The following ARAP1 variants were observed in gnomAD, a reference collection of about 807,000 sequenced individuals.
The protein encoded by ARAP1 is ArfGAP with RhoGAP domain, ankyrin repeat and PH domain 1.
In ARAP1, 76 loss-of-function variants were observed where a neutral mutation model predicts 172.2. The observed-to-expected ratio is 0.44, with a 90% confidence interval of 0.37 to 0.53. The LOEUF (loss-of-function observed/expected upper bound fraction) is 0.53. ARAP1 is among the 20% of genes least tolerant of loss of function. The probability of loss-of-function intolerance (pLI) is 0.00; values close to 1 mark genes in which losing one functional copy is unlikely to be tolerated. For missense variants in ARAP1, 1,686 were observed against 1,977.5 expected (o/e 0.85, Z 2.80); for synonymous variants, 804 against 803.3 (o/e 1.00, Z -0.01).
chr11:72,710,238 C>G lies in ARAP1; in HGVS notation c.1416+147G>C. On this transcript the variant is annotated intron_variant, in intron 10 of 34. Coordinates refer to ENST00000393609, the MANE Select transcript of ARAP1 (RefSeq NM_001040118.3). This position sits in a 1 kb window ranked among gnomAD's most constrained non-coding sequence, Gnocchi z 4.3. Reference sequence around the variant, plus strand: ...CAGAGCCTGGGGGAAGTGGTCAGAACTTGGGGGAGCGAGGACATATCCAGG... The same window carrying G: ...CAGAGCCTGGGGGAAGTGGTCAGAAGTTGGGGGAGCGAGGACATATCCAGG... 1 of 1,050,830 alleles carries G rather than the reference C, an allele frequency of 9.5e-7. No individual in the cohort carries two copies. The highest frequency in any genetic ancestry group is 1.4e-6 in the Non-Finnish European group (1 of 702,916). 65.1% of individuals were successfully genotyped at this position (1,050,830 alleles called of 1,614,324 possible).
At chr11:72,717,260 G>T (rs1857316947) in intron 3 of ARAP1, among the ~76,000 whole-genome samples, 1 of 152,188 alleles carries the variant, frequency 6.6e-6, no homozygotes, top group Admixed American at 6.5e-5. Flanking sequence ...CCAAGAGGAA[G>T]GCGCCTTGGA....
intron 14 of ARAP1, chr11:72,703,851 C>T: frequency 4.9e-6 from 2 of 405,258 alleles, no homozygotes; most frequent in South Asian, 6.0e-5. Context: ...ATCAAGTTCA[C>T]TCTTTTTGGC....
At chr11:72,701,596 T>G in intron 16 of ARAP1, 53 bp downstream of exon 16, 1 of 1,577,404 alleles carries the variant, frequency 6.3e-7, no homozygotes, top group Admixed American at 1.7e-5. Flanking sequence ...TCCCTAGCCC[T>G]GCAGCCGTGA....
At position 72,693,350 on chromosome 11, in the gene ARAP1, C is replaced by A. The variant is rs774574451; in HGVS notation, c.3929G>T (p.Cys1310Phe). The change falls in exon 29 of 35, where the codon TGC becomes TTC. Residue 1310 changes from cysteine to phenylalanine, a missense_variant. Transcript: ENST00000393609. The surrounding 1 kb of genome is among the most constrained non-coding windows in gnomAD (Gnocchi z 4.6). The part of the protein sequence containing the change: ...HDRYFILNSS[C>F]LRLYKEVRSQ... ...CCGGACCTCCTTGTAGAGCCGCAAG[C>A]AGCTGCTGTTGAGGATGAAGTAGCG... 7 of 1,613,864 alleles carry A rather than the reference C, an allele frequency of 4.3e-6. No individual in the cohort carries two copies. The South Asian group carries it at 6.6e-5, about 15-fold the overall frequency.
chr11:72,721,289 A>G (rs981168078), intron 3 of ARAP1, among the ~76,000 whole-genome samples: 4 of 152,180 alleles, frequency 2.6e-5, no homozygotes, highest in Non-Finnish European at 4.4e-5. Context: ...CCCACACTCC[A>G]TAAGCACCCA....
intron 15 of ARAP1, 66 bp downstream of exon 15, chr11:72,702,839 G>T (rs955382673): frequency 8.5e-6 from 13 of 1,520,828 alleles, no homozygotes; most frequent in African/African-American, 1.4e-5. Flanking sequence ...CCTGAGAGCA[G>T]CAGGTAAATC....
chr11:72,726,792 CG>C lies in ARAP1; in HGVS notation c.336del (p.Ala113LeufsTer41). 6.4e-7 allele frequency: 1 copy of C among 1,551,100 alleles called. No individual in the cohort carries two copies. Among genetic ancestry groups the C allele is most frequent in the Non-Finnish European group, 8.7e-7 (1 of 1,147,658 alleles). On this transcript the variant is annotated frameshift_variant, in exon 3 of 35. Coordinates refer to ENST00000393609, the MANE Select transcript of ARAP1 (RefSeq NM_001040118.3). LOFTEE classifies it high-confidence loss of function. This position sits in a 1 kb window ranked among gnomAD's most constrained non-coding sequence, Gnocchi z 6.5. The stretch of plus-strand genomic sequence containing the variant: ...CTCCGGGGCGGGATGGGTGGGGCAG[CG>C]GGGAGCCCCTCATCCTCTGTAGTGG... ...LPTTTEDEGL[P>X]AAPPIPPRRS...
At position 72,697,620 on chromosome 11, in the gene ARAP1, G is replaced by A. The variant is rs781096987; in HGVS notation, c.2767C>T (p.Leu923=). Reference sequence around the variant, plus strand: ...CACCTCCTTCGCTCCACCAGCACCAGCACCTGGTTCTCACTGTCCCCCTGG... The same window carrying A: ...CACCTCCTTCGCTCCACCAGCACCAACACCTGGTTCTCACTGTCCCCCTGG... ...SIQGDSENQV[L]VLVERRRTLY... The change falls in exon 20 of 35, where the codon CTG becomes TTG. Residue 923 remains leucine (L), a synonymous_variant. Transcript: ENST00000393609. The A allele has an allele frequency of 3.7e-5, 60 of 1,614,018 alleles. No homozygotes were observed. Among genetic ancestry groups the A allele is most frequent in the Admixed American group, 1.2e-4 (7 of 59,998 alleles).
chr11:72,705,754 T>C (rs1258119928), intron 13 of ARAP1, 51 bp downstream of exon 13: 3 of 1,595,292 alleles, frequency 1.9e-6, no homozygotes, highest in Admixed American at 1.7e-5. Flanking sequence ...CCCAGACAGC[T>C]GTTGAATGGG....
At chr11:72,722,795 ATGACCC>A (rs1218451956) in intron 3 of ARAP1, among the ~76,000 whole-genome samples, 2 of 152,198 alleles carry the variant, frequency 1.3e-5, no homozygotes, top group Admixed American at 1.3e-4. Context: ...GATCTGCGGC[ATGACCC>A]TGGAACCTCA....
chr11:72,693,552 T>A lies in ARAP1; in HGVS notation c.3809-82A>T. 1 of 1,559,106 alleles carries A rather than the reference T, an allele frequency of 6.4e-7. No homozygotes were observed. Among genetic ancestry groups the A allele is most frequent in the Non-Finnish European group, 8.7e-7 (1 of 1,149,854 alleles). On this transcript the variant is annotated intron_variant, in intron 28 of 34. Transcript: ENST00000393609. The surrounding 1 kb of genome is among the most constrained non-coding windows in gnomAD (Gnocchi z 4.6). The stretch of plus-strand genomic sequence containing the variant: ...TCCCAGGATGAAGGAAGCTGCCCCA[T>A]CCTGCCCCAGCCTCTCCATAGAGGC...
chr11:72,733,584 G>A (rs903198608), intron 1 of ARAP1, among the ~76,000 whole-genome samples: 2 of 152,170 alleles, frequency 1.3e-5, no homozygotes, highest in Non-Finnish European at 2.9e-5. Context: ...GGAGCTCTGT[G>A]GGGCTAGGGA....
Position 72,688,472 on chromosome 11 carries a change from T to C in ARAP1, c.4053A>G (p.Lys1351=). The C allele has an allele frequency of 6.2e-7, 1 of 1,611,984 alleles. No individual in the cohort carries two copies. The highest frequency in any genetic ancestry group is 8.5e-7 in the Non-Finnish European group (1 of 1,179,148). The change falls in exon 31 of 35, where the codon AAA becomes AAG. Residue 1351 remains lysine (K), a synonymous_variant. Transcript: ENST00000393609. ...CAGCTTACCAGGTGGGTGGCCTGAG[T>C]TTCTTCTTCACTCCCAGGTAGACTT... ...SLKVYLGVKK[K]LRPPTCWGFT...
At chr11:72,745,182 C>CTTTTTTTTTT (rs902550014) in intron 1 of ARAP1, among the ~76,000 whole-genome samples, 26 of 88,300 alleles carry the variant, frequency 2.9e-4, no homozygotes, top group African/African-American at 4.9e-4. Context: ...AAGTTTCTTT[C>CTTTTTTTTTT]TTTTTTTTTT....
At chr11:72,700,920 C>T (rs2135515448) in intron 16 of ARAP1, among the ~76,000 whole-genome samples, 1 of 152,328 alleles carries the variant, frequency 6.6e-6, no homozygotes, top group South Asian at 2.1e-4. Context: ...ATTGCTTGAA[C>T]CCGGGAGGCA....
At chr11:72,737,969 A>G (rs1410783038) in intron 1 of ARAP1, among the ~76,000 whole-genome samples, 1 of 152,084 alleles carries the variant, frequency 6.6e-6, no homozygotes, top group Non-Finnish European at 1.5e-5. Flanking sequence ...ATTCTTCTCT[A>G]TGTCAATGTC....
intron 1 of ARAP1, among the ~76,000 whole-genome samples, chr11:72,734,292 G>A (rs755288275): frequency 1.9e-4 from 29 of 151,510 alleles, no homozygotes; most frequent in Admixed American, 5.3e-4. Context: ...AGCTAATTTT[G>A]TTATTTTTTG....
At chr11:72,737,064 C>G (rs773749622) in intron 1 of ARAP1, among the ~76,000 whole-genome samples, 2 of 152,228 alleles carry the variant, frequency 1.3e-5, no homozygotes, top group Non-Finnish European at 2.9e-5. Flanking sequence ...TGACTGCCCC[C>G]TCAAGCTCCT....
At chr11:72,734,312 G>C (rs1267941518) in intron 1 of ARAP1, among the ~76,000 whole-genome samples, 1 of 152,060 alleles carries the variant, frequency 6.6e-6, no homozygotes, top group African/African-American at 2.4e-5. Context: ...GTAAAGACAG[G>C]GTCTCGTTAT....
Sources: allele counts gnomAD v4.1 joint callset (sites outside exome capture counted in the v4.1 genomes callset), GRCh38; gene constraint gnomAD v4.1.1; non-coding constraint Gnocchi (gnomAD v3.1); transcripts MANE v1.5; gene names NCBI Gene and HGNC (gene_info 2026-07-23, HGNC 2026-07-21).